GFRA1: variants seen among roughly 807,000 people sequenced by gnomAD.
GFRA1 encodes GDNF family receptor alpha-1.
Under a neutral mutation model 51.6 loss-of-function variants are expected in GFRA1, and 16 were observed. The ratio of observed to expected loss-of-function variants is 0.31; its 90% CI spans 0.21 to 0.47. The LOEUF is 0.47. GFRA1 is among the 20% of genes least tolerant of loss of function. The pLI is 1.00. For synonymous variants in GFRA1, 270 were observed against 241.3 expected (o/e 1.12, Z -1.10); for missense variants, 530 against 594.3 (o/e 0.89, Z 1.13).
At chr10:116,232,502 CA>C (rs59449613) in intron 4 of GFRA1, among the ~76,000 whole-genome samples, 55,402 of 148,352 alleles carry the variant, frequency 0.37, 10,628 homozygotes, top group African/African-American at 0.49. Flanking sequence ...TTTCCTCATA[CA>C]AAAAAAAAAA....
intron 6 of GFRA1, among the ~76,000 whole-genome samples, chr10:116,124,185 G>A (rs1186881871): frequency 6.6e-6 from 1 of 151,658 alleles, no homozygotes; most frequent in Non-Finnish European, 1.5e-5. Context: ...GATTACAGGT[G>A]TGAGCCACCG....
At chr10:116,220,492 A>G (rs1965849493) in intron 4 of GFRA1, among the ~76,000 whole-genome samples, 1 of 152,220 alleles carries the variant, frequency 6.6e-6, no homozygotes, top group East Asian at 1.9e-4. Context: ...CCAGGTGATC[A>G]TTATCAGGAT....
At chr10:116,214,345 G>A (rs1965417430) in intron 4 of GFRA1, among the ~76,000 whole-genome samples, 1 of 152,226 alleles carries the variant, frequency 6.6e-6, no homozygotes, top group African/African-American at 2.4e-5. Flanking sequence ...CTGAGGACAA[G>A]AGCAGTGTCT....
rs1359360578 is a variant in GFRA1 at position 116,128,976 on chromosome 10, T to C, written c.434-3419A>G. Among the ~76,000 whole-genome samples the C allele has an allele frequency of 2.0e-5, 3 of 152,276 alleles. No individual in the cohort carries two copies. The East Asian group carries it at 5.8e-4, about 29-fold the overall frequency. The stretch of plus-strand genomic sequence containing the variant: ...TGACTTAGCCTCACTTTCTACTGAT[T>C]CTATTTTCATCTATATATAACTCTT... On this transcript the variant is annotated intron_variant, in intron 5 of 10. Coordinates refer to ENST00000355422, the MANE Select transcript of GFRA1 (RefSeq NM_005264.8).
chr10:116,241,727 A>T (rs1967394915), intron 4 of GFRA1, among the ~76,000 whole-genome samples: 1 of 152,190 alleles, frequency 6.6e-6, no homozygotes, highest in South Asian at 2.1e-4. Flanking sequence ...TTTTGTTGTT[A>T]TGTACAGGAT....
chr10:116,274,197 C>G (rs1844137274), upstream of GFRA1, among the ~76,000 whole-genome samples: 1 of 144,860 alleles, frequency 6.9e-6, no homozygotes, highest in Non-Finnish European at 1.5e-5. Context: ...CGCTCCCCTT[C>G]CCGCACGCCG....
chr10:116,180,647 A>C (rs1164280617), intron 5 of GFRA1, among the ~76,000 whole-genome samples: 1 of 152,148 alleles, frequency 6.6e-6, no homozygotes. Context: ...ACCCACGGCC[A>C]ATCATTGGCC....
intron 5 of GFRA1, among the ~76,000 whole-genome samples, chr10:116,128,682 C>T (rs1464016407): frequency 2.8e-5 from 4 of 141,356 alleles, no homozygotes; most frequent in Admixed American, 7.3e-5. Context: ...GCCAAGACTG[C>T]GCCACTGCAC....
rs1368995056 is a variant in GFRA1 at position 116,058,153 on chromosome 10, A to C, written c.*6245T>G. On this transcript the variant is annotated 3_prime_UTR_variant, in exon 11 of 11. Transcript: ENST00000355422. The stretch of plus-strand genomic sequence containing the variant: ...TCACCCGGTCTCGCCCCAGGTAATC[A>C]ACCTTTACTGATTTTCAACGGCCCT... 6.6e-6 allele frequency: 1 copy of C among 152,074 alleles called. No individual in the cohort carries two copies. Among genetic ancestry groups the C allele is most frequent in the East Asian group, 1.9e-4 (1 of 5,170 alleles). 9.4% of individuals were successfully genotyped at this position (152,074 alleles called of 1,614,324 possible).
chr10:116,248,251 T>C (rs1030353226), intron 4 of GFRA1, among the ~76,000 whole-genome samples: 2 of 152,300 alleles, frequency 1.3e-5, no homozygotes, highest in East Asian at 3.9e-4. Context: ...TTCATGGGGC[T>C]TTGCCTGCCA....
intron 4 of GFRA1, among the ~76,000 whole-genome samples, chr10:116,265,820 G>A (rs113629555): frequency 3.3e-5 from 5 of 151,974 alleles, no homozygotes; most frequent in South Asian, 2.1e-4. Context: ...GTGTCCTCCC[G>A]CTCGCTTCAT....
At position 116,242,120 on chromosome 10, in the gene GFRA1, G is replaced by A. The variant is rs374268064; in HGVS notation, c.418+27383C>T. Among the ~76,000 whole-genome samples the A allele has an allele frequency of 4.3e-4, 61 of 141,672 alleles. 1 individual carries two copies. The South Asian group carries it at 0.014, about 33-fold the overall frequency. 92.9% of individuals were successfully genotyped at this position (141,672 alleles called of 152,430 possible). On this transcript the variant is annotated intron_variant, in intron 4 of 10. Coordinates refer to ENST00000355422, the MANE Select transcript of GFRA1 (RefSeq NM_005264.8). ...TAATATGGGGGCATTCTTATTTTTC[G>A]GCTGGAATTACTCAGATAACTGCTT...
chr10:116,261,977 C>G (rs987486393), intron 4 of GFRA1, among the ~76,000 whole-genome samples: 2 of 152,164 alleles, frequency 1.3e-5, no homozygotes, highest in Admixed American at 1.3e-4. Context: ...GATCCATACA[C>G]TTTTACCAAA....
chr10:116,094,376 C>T (rs1039973178), intron 7 of GFRA1, among the ~76,000 whole-genome samples: 2 of 152,104 alleles, frequency 1.3e-5, no homozygotes, highest in African/African-American at 4.8e-5. Context: ...AAGTCTTCCA[C>T]GTAGTGAAAG....
At chr10:116,144,294 T>C (rs60873831) in intron 5 of GFRA1, among the ~76,000 whole-genome samples, 4,835 of 99,804 alleles carry the variant, frequency 0.048, 268 homozygotes, top group African/African-American at 0.15. Flanking sequence ...TTCTATCACA[T>C]TAACTCACTC....
chr10:116,138,782 G>C (rs559436487), intron 5 of GFRA1, among the ~76,000 whole-genome samples: 1 of 152,222 alleles, frequency 6.6e-6, no homozygotes, highest in African/African-American at 2.4e-5. Context: ...TTTTAATGGA[G>C]TGTTGGTGAG....
intron 4 of GFRA1, among the ~76,000 whole-genome samples, chr10:116,260,075 G>A (rs780653475): frequency 1.3e-5 from 2 of 152,202 alleles, no homozygotes; most frequent in African/African-American, 2.4e-5. Flanking sequence ...GTTCCAAAGG[G>A]AACTGCAGTT....
chr10:116,078,778 A>G (rs1392986509), intron 9 of GFRA1, among the ~76,000 whole-genome samples: 1 of 152,226 alleles, frequency 6.6e-6, no homozygotes, highest in South Asian at 2.1e-4. Context: ...CACAAAGACC[A>G]TAAACCAAAC....
At chr10:116,257,764 GCA>G (rs1440057956) in intron 4 of GFRA1, among the ~76,000 whole-genome samples, 1 of 151,436 alleles carries the variant, frequency 6.6e-6, no homozygotes, top group African/African-American at 2.5e-5. Context: ...AAAAATTTCA[GCA>G]ATGCTGAGAC....
Sources: gnomAD v4.1 joint callset for allele counts (sites outside exome capture counted in the v4.1 genomes callset) on GRCh38, gnomAD v4.1.1 for gene constraint, MANE v1.5 for transcripts, NCBI Gene and HGNC (gene_info 2026-07-23, HGNC 2026-07-21) for gene names.